TF: variants seen among roughly 807,000 people sequenced by gnomAD.
The protein encoded by TF is serotransferrin.
A neutral mutation model predicts 82.4 loss-of-function variants in TF; 55 were observed. The observed-to-expected ratio is 0.67, with a 90% CI of 0.54 to 0.84. The LOEUF (loss-of-function observed/expected upper bound fraction) is 0.84. TF is among the 40% of genes least tolerant of loss of function. The pLI is 0.00. For synonymous variants in TF, 332 were observed against 332.6 expected, an observed-to-expected ratio of 1.00 and a Z score of 0.02; for missense variants, 737 against 868.4, an observed-to-expected ratio of 0.85 and a Z score of 1.90.
At chr3:133,738,541 C>T in the TF span, among the ~76,000 whole-genome samples, 4 of 151,924 alleles carry the variant, frequency 2.6e-5, no homozygotes, top group East Asian at 1.9e-4. Flanking sequence ...TTGCAGATGA[C>T]GTGATTGTAT....
Position 133,780,674 on chromosome 3 carries a change from TGTAA to T in TF, c.*2057_*2060del. ...AAGAAATGCCAAAATTACTTTTATTTGTAAGTGATTATACACCTAGGAAATCCAT... is the reference window on the plus strand; with the variant it reads ...AAGAAATGCCAAAATTACTTTTATTTGTGATTATACACCTAGGAAATCCAT... On this transcript the variant is annotated 3_prime_UTR_variant, in exon 17 of 17. Transcript: ENST00000402696. The T allele has an allele frequency of 6.6e-6, 1 of 152,328 alleles. No individual in the cohort carries two copies. Among genetic ancestry groups the T allele is most frequent in the South Asian group, 2.1e-4 (1 of 4,828 alleles). 9.4% of individuals were successfully genotyped at this position (152,328 alleles called of 1,614,324 possible). A position where few individuals can be genotyped will look rare whatever the true frequency, so the allele number is the denominator to read the frequency against.
the TF span, among the ~76,000 whole-genome samples, chr3:133,689,805 G>A: frequency 6.6e-6 from 1 of 152,112 alleles, no homozygotes; most frequent in Non-Finnish European, 1.5e-5. Context: ...TAGGGCACGA[G>A]GGTCCTAGGC....
chr3:133,768,105 C>T lies in TF; in HGVS notation c.1563C>T (p.Gly521=). ...SSLCKLCMGS[G]LNLCEPNNKE... Reference sequence around the variant, plus strand: ...TCTGTAAGCTGTGTATGGGCTCAGGCCTAAACCTGTGTGAACCCAACAACA... The same window carrying T: ...TCTGTAAGCTGTGTATGGGCTCAGGTCTAAACCTGTGTGAACCCAACAACA... The change falls in exon 13 of 17, where the codon GGC becomes GGT. Residue 521 remains glycine, a synonymous_variant. Coordinates refer to ENST00000402696, the MANE Select transcript of TF (RefSeq NM_001063.4). 6.2e-7 allele frequency: 1 copy of T among 1,614,168 alleles called. No homozygotes were observed.
the TF span, among the ~76,000 whole-genome samples, chr3:133,738,992 G>A: frequency 6.6e-6 from 1 of 152,248 alleles, no homozygotes; most frequent in African/African-American, 2.4e-5. Flanking sequence ...CCAAAAAAGA[G>A]CCCGCATAGC....
At chr3:133,715,570 C>G in the TF span, among the ~76,000 whole-genome samples, 13 of 152,160 alleles carry the variant, frequency 8.5e-5, no homozygotes, top group Non-Finnish European at 1.6e-4. Context: ...TAAAACCTCT[C>G]CACCTCACTT....
the TF span, among the ~76,000 whole-genome samples, chr3:133,678,851 T>TTTTTTG: frequency 6.7e-6 from 1 of 149,440 alleles, no homozygotes; most frequent in African/African-American, 2.5e-5. Context: ...GCCCAGCTAT[T>TTTTTTG]TTTTGTTTTG....
chr3:133,774,935 C>T (rs1934349003), intron 14 of TF: 1 of 384,728 alleles, frequency 2.6e-6, no homozygotes, highest in African/African-American at 2.1e-5. Context: ...ACCTGTATCA[C>T]ACAGGTGTGT....
In TF at chr3:133,770,570, G is replaced by A; in HGVS notation, c.1685G>A (p.Gly562Glu). The A allele has an allele frequency of 6.2e-7, 1 of 1,614,026 alleles. No homozygotes were observed. The highest frequency in any genetic ancestry group is 1.7e-5 in the Admixed American group (1 of 60,022). ...CACCAGACTGTCCCACAGAACACTG[G>A]GGGTAAGTGCACCTGCTCCTCTGTC... Reference protein sequence around the residue: ...VKHQTVPQNTGGKNPDPWAKN... With the variant: ...VKHQTVPQNTEGKNPDPWAKN... The change falls in exon 14 of 17, where the codon GGG becomes GAG. Residue 562 changes from glycine to glutamate, a missense_variant and splice_region_variant. Physicochemically the swap from Gly to Glu is moderately conservative, Grantham distance 98 (BLOSUM62 -2). Coordinates refer to ENST00000402696, the MANE Select transcript of TF (RefSeq NM_001063.4).
the TF span, among the ~76,000 whole-genome samples, chr3:133,695,731 G>T: frequency 1.3e-5 from 2 of 152,122 alleles, no homozygotes; most frequent in Non-Finnish European, 2.9e-5. Context: ...TGGACTTGTG[G>T]CCAACCAAGG....
the TF span, among the ~76,000 whole-genome samples, chr3:133,739,509 A>G: frequency 6.6e-6 from 1 of 152,216 alleles, no homozygotes; most frequent in South Asian, 2.1e-4. Context: ...AAAAGAAGCT[A>G]TCATCAGAGT....
At chr3:133,676,071 A>G in the TF span, among the ~76,000 whole-genome samples, 1 of 152,092 alleles carries the variant, frequency 6.6e-6, no homozygotes, top group Non-Finnish European at 1.5e-5. Flanking sequence ...ACATCTAACC[A>G]GAAGGGTTTT....
At chr3:133,738,397 C>T in the TF span, among the ~76,000 whole-genome samples, 215 of 152,176 alleles carry the variant, frequency 1.4e-3, no homozygotes, top group African/African-American at 4.8e-3. Flanking sequence ...CTTTGAAAAC[C>T]GGCACAAGAC....
chr3:133,689,446 C>T, the TF span, among the ~76,000 whole-genome samples: 1 of 151,990 alleles, frequency 6.6e-6, no homozygotes, highest in African/African-American at 2.4e-5. Context: ...GACTAAATAT[C>T]ACATACTTGC....
In TF at chr3:133,779,951, T is replaced by C. The variant is rs1013547343; in HGVS notation, c.*1331T>C. ...AGGGGTGAAATTTCAGTTCGCCATT[T>C]TCCCTCACACTACATCCAGCGTCAC... On this transcript the variant is annotated 3_prime_UTR_variant, in exon 17 of 17. Transcript: ENST00000402696. 2.6e-5 allele frequency: 4 copies of C among 152,236 alleles called. No individual in the cohort carries two copies. The highest frequency in any genetic ancestry group is 5.9e-5 in the Non-Finnish European group (4 of 68,058). The allele number at this position is 152,236 out of a possible 1,614,324, so 9.4% of individuals were successfully genotyped here. A position where few individuals can be genotyped will look rare whatever the true frequency, so the allele number is the denominator to read the frequency against.
At chr3:133,746,579 C>A in intron 1 of TF, 96 bp downstream of exon 1, 2 of 1,397,484 alleles carry the variant, frequency 1.4e-6, no homozygotes, top group East Asian at 2.5e-5. Flanking sequence ...ACTCCGCGCT[C>A]AGGCTGGAAG....
chr3:133,732,112 T>A, the TF span, among the ~76,000 whole-genome samples: 1 of 152,028 alleles, frequency 6.6e-6, no homozygotes, highest in East Asian at 1.9e-4. Flanking sequence ...AAGATATTGG[T>A]CAGGATATAA....
intron 9 of TF, among the ~76,000 whole-genome samples, chr3:133,762,611 G>A (rs1315500412): frequency 2.0e-5 from 3 of 152,238 alleles, no homozygotes; most frequent in Admixed American, 6.5e-5. Flanking sequence ...AAGACTGGGG[G>A]TCTTGGAACA....
At chr3:133,763,283 C>G (rs1934041096) in intron 9 of TF, among the ~76,000 whole-genome samples, 1 of 152,122 alleles carries the variant, frequency 6.6e-6, no homozygotes, top group Non-Finnish European at 1.5e-5. Context: ...AAATTACATA[C>G]ATTTCAAATG....
the TF span, among the ~76,000 whole-genome samples, chr3:133,725,007 T>C: frequency 2.6e-5 from 4 of 152,202 alleles, no homozygotes; most frequent in Admixed American, 6.5e-5. Context: ...TCTGTTCCAT[T>C]GATCTATATC....
Sources: gnomAD v4.1 joint callset for allele counts (sites outside exome capture counted in the v4.1 genomes callset) on GRCh38, gnomAD v4.1.1 for gene constraint, MANE v1.5 for transcripts, NCBI Gene and HGNC (gene_info 2026-07-23, HGNC 2026-07-21) for gene names.